The following TNS3 variants were observed in gnomAD, a reference collection of about 807,000 sequenced individuals.
TNS3 encodes tensin 3.
TNS3 carries 45 observed loss-of-function variants against 140.9 expected under a neutral mutation model. That is an observed-to-expected ratio of 0.32 (90% CI 0.25 to 0.41). The LOEUF (loss-of-function observed/expected upper bound fraction) is 0.41. Among genes scored for constraint, TNS3 ranks in the 10% least tolerant of loss-of-function variants. The pLI, the probability that TNS3 is intolerant of heterozygous loss-of-function variation, is 1.00. For synonymous variants in TNS3, 815 were observed against 788.4 expected (o/e 1.03, Z -0.56); for missense variants, 1,716 against 1,906.7 (o/e 0.90, Z 1.86).
At chr7:47,553,282 T>C (rs1800109689) in intron 1 of TNS3, among the ~76,000 whole-genome samples, 1 of 152,206 alleles carries the variant, frequency 6.6e-6, no homozygotes, top group Non-Finnish European at 1.5e-5. Flanking sequence ...AACAACAGAT[T>C]TCAATGCAGA....
chr7:47,343,923 T>C (rs1254890366), intron 20 of TNS3, among the ~76,000 whole-genome samples: 1 of 152,108 alleles, frequency 6.6e-6, no homozygotes, highest in Admixed American at 6.5e-5. Flanking sequence ...AGAGAGAGAA[T>C]GGAGCTAGCT....
chr7:47,304,151 C>A (rs1317398439), intron 21 of TNS3, among the ~76,000 whole-genome samples: 2 of 152,292 alleles, frequency 1.3e-5, no homozygotes, highest in East Asian at 1.9e-4. Flanking sequence ...CCTTTATCTG[C>A]CAGATACACC....
intron 2 of TNS3, among the ~76,000 whole-genome samples, chr7:47,520,347 C>T (rs4724585): frequency 0.29 from 43,554 of 151,944 alleles, 6,443 homozygotes; most frequent in East Asian, 0.4. Context: ...AACCCCACAA[C>T]TTAACATAAA....
intron 4 of TNS3, among the ~76,000 whole-genome samples, chr7:47,446,112 C>CTTTCG (rs1795716044): frequency 6.6e-6 from 1 of 151,948 alleles, no homozygotes; most frequent in Admixed American, 6.6e-5. Flanking sequence ...GTGTTTTTTT[C>CTTTCG]TTTTGTTTTG....
At chr7:47,353,134 C>T (rs1789783302) in intron 17 of TNS3, among the ~76,000 whole-genome samples, 1 of 152,206 alleles carries the variant, frequency 6.6e-6, no homozygotes, top group Non-Finnish European at 1.5e-5. Context: ...GCACTGCCAG[C>T]TCAGAGAGCT....
chr7:47,316,620 G>A (rs1787427255), intron 20 of TNS3, among the ~76,000 whole-genome samples: 2 of 150,846 alleles, frequency 1.3e-5, no homozygotes, highest in South Asian at 4.2e-4. Context: ...CTTGAGATCA[G>A]GAGTTTGAGA....
rs148973292 is a variant in TNS3 at position 47,378,909 on chromosome 7, C to T, written c.1025-9288G>A. 8.0e-3 allele frequency among the ~76,000 whole-genome samples: 1,220 copies of T among 152,312 alleles called. 14 individuals are homozygous for T. Among genetic ancestry groups the T allele is most frequent in the African/African-American group, 0.028 (1,166 of 41,550 alleles). On this transcript the variant is annotated intron_variant, in intron 16 of 30. Transcript: ENST00000311160. ...ACCGGCGCTGGACTTGTGAGTTTTC[C>T]AGCAGACCATTCAGTTGATGGGTCT...
chr7:47,534,282 A>T (rs902153648), intron 1 of TNS3, among the ~76,000 whole-genome samples: 2 of 152,042 alleles, frequency 1.3e-5, no homozygotes, highest in Non-Finnish European at 2.9e-5. Context: ...CTCAAAAAAA[A>T]GAAAAAATAA....
intron 1 of TNS3, among the ~76,000 whole-genome samples, chr7:47,575,417 A>T (rs184193652): frequency 2.0e-5 from 3 of 152,268 alleles, no homozygotes; most frequent in East Asian, 3.9e-4. Flanking sequence ...ATTAGAAGGA[A>T]TTTTTTCCTT....
intron 17 of TNS3, among the ~76,000 whole-genome samples, chr7:47,362,686 T>C (rs547492413): frequency 1.6e-4 from 24 of 152,200 alleles, no homozygotes; most frequent in Non-Finnish European, 3.2e-4. Context: ...TAACAGTTCT[T>C]ACTATTACCA....
At chr7:47,465,742 T>C (rs970150383) in intron 4 of TNS3, among the ~76,000 whole-genome samples, 6 of 151,872 alleles carry the variant, frequency 4.0e-5, no homozygotes, top group African/African-American at 1.5e-4. Context: ...CTGACCAACA[T>C]GGAGAAACCC....
At chr7:47,448,682 G>T (rs190120008) in intron 4 of TNS3, among the ~76,000 whole-genome samples, 1 of 152,244 alleles carries the variant, frequency 6.6e-6, no homozygotes, top group African/African-American at 2.4e-5. Flanking sequence ...GCTTCACCAT[G>T]TTGGCCAGGC....
chr7:47,293,754 A>T lies in TNS3; in HGVS notation c.3751T>A (p.Cys1251Ser), dbSNP rs1785845164. Residue 1251 changes from cysteine (C) to serine (S), a missense_variant, in exon 25 of 31, where the codon TGC (cysteine) becomes AGC (serine). Transcript: ENST00000311160. ...CTPKGVRLKG[C>S]SNEPYFGSLT... Reference sequence around the variant, plus strand: ...TCACCGAAATATGGTTCATTCGAGCACCCTTTCAACCGCACTCCCTTCGGG... The same window carrying T: ...TCACCGAAATATGGTTCATTCGAGCTCCCTTTCAACCGCACTCCCTTCGGG... 6.2e-7 allele frequency: 1 copy of T among 1,614,096 alleles called. No homozygotes were observed. Among genetic ancestry groups the T allele is most frequent in the South Asian group, 1.1e-5 (1 of 91,078 alleles).
At chr7:47,322,210 G>A (rs1238930382) in intron 20 of TNS3, among the ~76,000 whole-genome samples, 6 of 114,090 alleles carry the variant, frequency 5.3e-5, no homozygotes, top group Admixed American at 3.3e-4. Flanking sequence ...GAAGTAGAAC[G>A]GGCAAAAAAA....
intron 24 of TNS3, among the ~76,000 whole-genome samples, chr7:47,296,469 GGA>G (rs1786031699): frequency 1.3e-5 from 2 of 152,140 alleles, no homozygotes; most frequent in South Asian, 4.1e-4. Context: ...TATACCCAAA[GGA>G]ATAGAAATCC....
chr7:47,319,589 G>A (rs1197352757), intron 20 of TNS3, among the ~76,000 whole-genome samples: 1 of 152,060 alleles, frequency 6.6e-6, no homozygotes, highest in Non-Finnish European at 1.5e-5. Context: ...CTGCACCATG[G>A]AAGTCTAAAT....
At chr7:47,292,170 G>A (rs763909219) in intron 26 of TNS3, 138 bp from the exon 27 acceptor site, 1 of 792,342 alleles carries the variant, frequency 1.3e-6, no homozygotes, top group Non-Finnish European at 2.0e-6. Context: ...GTTTCTCTTT[G>A]GGACAATAAT....
At chr7:47,579,758 T>A (rs755266933) in intron 1 of TNS3, 53 of 737,104 alleles carry the variant, frequency 7.2e-5, no homozygotes, top group Non-Finnish European at 8.1e-5. Flanking sequence ...ATTTTACTCA[T>A]CTGTAAAATG....
rs577703107 is a variant in TNS3 at position 47,439,924 on chromosome 7, A to C, written c.-22-266T>G. Among the ~76,000 whole-genome samples, 232 of 152,246 alleles carry C rather than the reference A, an allele frequency of 1.5e-3. 5 individuals are homozygous for C. The highest frequency in any genetic ancestry group is 3.4e-4 in the Non-Finnish European group (23 of 68,022). On this transcript the variant is annotated intron_variant, in intron 5 of 30. Coordinates refer to ENST00000311160, the MANE Select transcript of TNS3 (RefSeq NM_022748.12). ...CTGCGGTCAGGGAACGCACAGAGAG[A>C]AAGCAACTCAGAGCAGTGACGCATG...
Sources: gnomAD v4.1 joint callset for allele counts (sites outside exome capture counted in the v4.1 genomes callset) on GRCh38, gnomAD v4.1.1 for gene constraint, MANE v1.5 for transcripts, NCBI Gene and HGNC (gene_info 2026-07-23, HGNC 2026-07-21) for gene names.